H3-7: variants seen among roughly 807,000 people sequenced by gnomAD.
H3-7 encodes the protein histone H3-7.
chr1:143,903,946 C>CAGAA, the H3-7 span, among the ~76,000 whole-genome samples: 29 of 146,768 alleles, frequency 2.0e-4, 2 homozygotes, highest in African/African-American at 6.7e-4. Context: ...TCCCAAATAT[C>CAGAA]CCAGAACGAG....
chr1:143,904,432 T>C, the H3-7 span: 1 of 1,583,212 alleles, frequency 6.3e-7, no homozygotes, highest in Non-Finnish European at 8.6e-7. Context: ...CCCATGGTCT[T>C]GGACGAGATG....
the H3-7 span, chr1:143,905,487 C>G: frequency 8.8e-7 from 1 of 1,139,198 alleles, no homozygotes; most frequent in South Asian, 1.5e-5. Context: ...AGAGCCGGTA[C>G]AGCTGCTCTT....
chr1:143,903,153 G>C, the H3-7 span, among the ~76,000 whole-genome samples: 31 of 141,650 alleles, frequency 2.2e-4, no homozygotes, highest in South Asian at 1.2e-3. Flanking sequence ...GATCCCGCCA[G>C]TGCACTCCGG....
chr1:143,905,123 AGT>A, the H3-7 span, among the ~76,000 whole-genome samples: 4 of 73,758 alleles, frequency 5.4e-5, no homozygotes, highest in African/African-American at 2.0e-4. Flanking sequence ...CACCGCCTGT[AGT>A]ATGCAATGAG....
the H3-7 span, chr1:143,905,598 C>T: frequency 6.3e-7 from 1 of 1,582,350 alleles, no homozygotes; most frequent in Non-Finnish European, 8.7e-7. Flanking sequence ...ACTGGATGTC[C>T]TTGGGCATGA....
the H3-7 span, chr1:143,904,686 G>T: frequency 2.1e-6 from 3 of 1,434,676 alleles, no homozygotes; most frequent in Non-Finnish European, 2.9e-6. Context: ...TACTTATAGA[G>T]CCTGTATGCA....
At chr1:143,904,468 G>T in the H3-7 span, 2 of 1,596,616 alleles carry the variant, frequency 1.3e-6, no homozygotes, top group Admixed American at 3.4e-5. Context: ...ACCTGCTTCA[G>T]CACCTCCTAC....
chr1:143,905,607 G>T, the H3-7 span: 11 of 1,582,382 alleles, frequency 7.0e-6, 1 homozygote, highest in Non-Finnish European at 9.5e-6. Flanking sequence ...CCTTGGGCAT[G>T]ATGGTCACGC....
chr1:143,904,625 A>G, the H3-7 span: 3 of 1,580,944 alleles, frequency 1.9e-6, 1 homozygote, highest in South Asian at 1.1e-5. Context: ...AAAAGAGAAC[A>G]GAGACTTAAA....
chr1:143,904,514 G>A, the H3-7 span: 4 of 1,605,696 alleles, frequency 2.5e-6, no homozygotes, highest in Non-Finnish European at 2.6e-6. Context: ...GGCTGCGCTT[G>A]CGCTTCTCGC....
At chr1:143,905,455 A>C in the H3-7 span, 1 of 951,596 alleles carries the variant, frequency 1.1e-6, no homozygotes, top group Non-Finnish European at 1.6e-6. Context: ...ACCGCTGCGC[A>C]AGGCAGACGC....
the H3-7 span, chr1:143,905,434 C>T: frequency 1.3e-6 from 1 of 793,506 alleles, no homozygotes; most frequent in Non-Finnish European, 2.0e-6. Flanking sequence ...CACGAGTGCC[C>T]CTGGCCCCTG....
At chr1:143,904,324 C>A in the H3-7 span, 2 of 1,582,566 alleles carry the variant, frequency 1.3e-6, no homozygotes, top group Non-Finnish European at 1.7e-6. Context: ...GTCTGGATCT[C>A]GCGGGACGTG....
At chr1:143,904,646 G>A in the H3-7 span, 1 of 1,571,006 alleles carries the variant, frequency 6.4e-7, no homozygotes, top group Non-Finnish European at 8.7e-7. Flanking sequence ...GAAGTAATCC[G>A]AACTACCGCA....
the H3-7 span, chr1:143,904,318 G>A: frequency 2.5e-6 from 4 of 1,582,636 alleles, no homozygotes; most frequent in Non-Finnish European, 3.5e-6. Flanking sequence ...ACGGCCGTCT[G>A]GATCTCGCGG....
the H3-7 span, chr1:143,905,724 C>G: frequency 1.4e-3 from 2,290 of 1,581,508 alleles, 177 homozygotes; most frequent in African/African-American, 0.028. Flanking sequence ...AGCGCAGGTC[C>G]GTCTTAAACT....
the H3-7 span, chr1:143,905,430 T>A: frequency 1.4e-6 from 1 of 737,656 alleles, no homozygotes; most frequent in African/African-American, 1.8e-5. Flanking sequence ...CCACCACGAG[T>A]GCCCCTGGCC....
chr1:143,903,178 C>T, the H3-7 span, among the ~76,000 whole-genome samples: 1 of 134,606 alleles, frequency 7.4e-6, no homozygotes, highest in Non-Finnish European at 1.6e-5. Context: ...GGCGACAGAG[C>T]GAGACTCCGT....
At chr1:143,905,888 G>C in the H3-7 span, 6 of 1,580,160 alleles carry the variant, frequency 3.8e-6, 1 homozygote, top group Admixed American at 1.7e-5. Flanking sequence ...GCGCTCTTGC[G>C]GGCCGCTTTG....
Sources: allele counts gnomAD v4.1 joint callset (sites outside exome capture counted in the v4.1 genomes callset), GRCh38; gene constraint gnomAD v4.1.1; transcripts MANE v1.5; gene names NCBI Gene and HGNC (gene_info 2026-07-23, HGNC 2026-07-21).